STK32A: variants seen among roughly 807,000 people sequenced by gnomAD.
The protein encoded by STK32A is serine/threonine-protein kinase 32A.
Under a neutral mutation model 53.2 loss-of-function variants are expected in STK32A, and 41 were observed. The ratio of observed to expected loss-of-function variants is 0.77; its 90% CI spans 0.60 to 1.00. The LOEUF is 1.00. Among genes scored for constraint, STK32A ranks in the 50% least tolerant of loss-of-function variants. The pLI, the probability that STK32A is intolerant of heterozygous loss-of-function variation, is 0.00. For synonymous variants in STK32A, 166 were observed against 162.8 expected (o/e 1.02, Z -0.15); for missense variants, 458 against 485.8 (o/e 0.94, Z 0.54).
intron 4 of STK32A, among the ~76,000 whole-genome samples, chr5:147,309,803 C>T (rs749616906): frequency 1.1e-4 from 17 of 152,274 alleles, no homozygotes; most frequent in South Asian, 2.1e-4. Flanking sequence ...GATGATGACA[C>T]GTTCCATTTC....
At chr5:147,273,038 A>C (rs1462304043) in intron 2 of STK32A, among the ~76,000 whole-genome samples, 1 of 152,202 alleles carries the variant, frequency 6.6e-6, no homozygotes, top group Non-Finnish European at 1.5e-5. Flanking sequence ...TCAAAAATAG[A>C]AAAAAAGGGC....
chr5:147,381,179 C>A (rs1757437997), intron 11 of STK32A, among the ~76,000 whole-genome samples: 1 of 152,112 alleles, frequency 6.6e-6, no homozygotes, highest in Non-Finnish European at 1.5e-5. Context: ...AGATAGAGGA[C>A]CCTTGGTTGA....
At chr5:147,397,145 C>T in the STK32A span, among the ~76,000 whole-genome samples, 2 of 135,052 alleles carry the variant, frequency 1.5e-5, no homozygotes, top group African/African-American at 5.9e-5. Context: ...CGCATGCATA[C>T]ATTTGCACAC....
intron 9 of STK32A, among the ~76,000 whole-genome samples, chr5:147,371,661 T>C (rs530428033): frequency 3.9e-5 from 6 of 152,320 alleles, no homozygotes; most frequent in African/African-American, 7.2e-5. Context: ...GAAACTTTTA[T>C]AGCAATTGGA....
chr5:147,293,479 TA>T (rs57835374), intron 4 of STK32A, among the ~76,000 whole-genome samples: 2,412 of 106,682 alleles, frequency 0.023, 44 homozygotes, highest in African/African-American at 0.059. Context: ...TATTTCGAGG[TA>T]AAAAAAAAAA....
chr5:147,390,766 TG>T (rs1270247973), downstream of STK32A: 1 of 152,538 alleles, frequency 6.6e-6, no homozygotes, highest in Non-Finnish European at 1.5e-5. Context: ...ATATTATAGG[TG>T]AAAATGCACA....
At chr5:147,393,393 A>C in the STK32A span, 1 of 152,448 alleles carries the variant, frequency 6.6e-6, no homozygotes, top group East Asian at 1.9e-4. Flanking sequence ...CATTTTAATA[A>C]ACGTTCAAAG....
intron 5 of STK32A, chr5:147,342,789 T>C: frequency 1.9e-6 from 1 of 531,954 alleles, no homozygotes; most frequent in Non-Finnish European, 3.3e-6. Context: ...TTCCATTTAC[T>C]AGCCTGTGAC....
chr5:147,306,140 G>C (rs570580986), intron 4 of STK32A, among the ~76,000 whole-genome samples: 4 of 151,768 alleles, frequency 2.6e-5, no homozygotes, highest in African/African-American at 9.7e-5. Context: ...TTTAACTCTG[G>C]GTGTTCCAGC....
intron 2 of STK32A, among the ~76,000 whole-genome samples, chr5:147,273,667 G>A (rs57003028): frequency 0.046 from 6,974 of 152,194 alleles, 205 homozygotes; most frequent in Middle Eastern, 0.11. Context: ...CAGTTAATGA[G>A]CCTTATTGGG....
chr5:147,321,979 T>C (rs961621578), intron 4 of STK32A, among the ~76,000 whole-genome samples: 6 of 152,200 alleles, frequency 3.9e-5, no homozygotes, highest in Non-Finnish European at 7.3e-5. Context: ...TTCTTTCTCT[T>C]ACCTTAGCGG....
At chr5:147,316,575 A>G (rs534345279) in intron 4 of STK32A, among the ~76,000 whole-genome samples, 2 of 152,344 alleles carry the variant, frequency 1.3e-5, no homozygotes, top group South Asian at 4.1e-4. Context: ...ATTTTTAAGT[A>G]TATTGATTGC....
chr5:147,258,945 G>A (rs1207064880), intron 2 of STK32A, among the ~76,000 whole-genome samples: 2 of 151,970 alleles, frequency 1.3e-5, no homozygotes, highest in African/African-American at 2.4e-5. Flanking sequence ...TATTCTGTAA[G>A]TACTTTAAGG....
At chr5:147,348,091 G>A (rs1039711444) in intron 6 of STK32A, among the ~76,000 whole-genome samples, 1 of 152,156 alleles carries the variant, frequency 6.6e-6, no homozygotes, top group Non-Finnish European at 1.5e-5. Context: ...TCTGACAAAG[G>A]GATTCTAGAC....
rs149367064 is a variant in STK32A at position 147,384,799 on chromosome 5, C to A, written c.*816C>A. ...ATTGTCCTCTGAAGATTAGCAGAGACCTGTATCTGGAGAGGATCAGAAAAG... is the reference window on the plus strand; with the variant it reads ...ATTGTCCTCTGAAGATTAGCAGAGAACTGTATCTGGAGAGGATCAGAAAAG... On this transcript the variant is annotated 3_prime_UTR_variant, in exon 13 of 13. Transcript: ENST00000397936. 86 of 199,754 alleles carry A rather than the reference C, an allele frequency of 4.3e-4. No individual in the cohort carries two copies. Among genetic ancestry groups the A allele is most frequent in the African/African-American group, 1.8e-3 (77 of 43,342 alleles). The allele number at this position is 199,754 out of a possible 1,614,324, so 12.4% of individuals were successfully genotyped here. A position where few individuals can be genotyped will look rare whatever the true frequency, so the allele number is the denominator to read the frequency against.
chr5:147,384,571 C>A lies in STK32A; in HGVS notation c.*588C>A. ...TATGCGTGAATCAGCATTAGATCCG[C>A]TTATCTCAGCTGGCAGGAGCCTGCT... On this transcript the variant is annotated 3_prime_UTR_variant, in exon 13 of 13. Coordinates refer to ENST00000397936, the MANE Select transcript of STK32A (RefSeq NM_001112724.2). The A allele has an allele frequency of 6.1e-6, 4 of 658,988 alleles. No individual in the cohort carries two copies. The South Asian group carries it at 1.0e-4, about 17-fold the overall frequency. 40.8% of individuals were successfully genotyped at this position (658,988 alleles called of 1,614,324 possible). A position where few individuals can be genotyped will look rare whatever the true frequency, so the allele number is the denominator to read the frequency against.
intron 8 of STK32A, among the ~76,000 whole-genome samples, chr5:147,365,232 ATGAG>A (rs2152000325): frequency 6.6e-6 from 1 of 152,268 alleles, no homozygotes; most frequent in African/African-American, 2.4e-5. Context: ...GAAATCAAAG[ATGAG>A]TGTTTCTAAA....
chr5:147,242,098 C>T (rs1753608374), intron 2 of STK32A, among the ~76,000 whole-genome samples: 1 of 152,152 alleles, frequency 6.6e-6, no homozygotes, highest in South Asian at 2.1e-4. Context: ...GGCTTAGGGA[C>T]CAGACAGGTC....
At chr5:147,277,792 T>C (rs1249577073) in intron 2 of STK32A, among the ~76,000 whole-genome samples, 1 of 152,162 alleles carries the variant, frequency 6.6e-6, no homozygotes, top group African/African-American at 2.4e-5. Context: ...TCTTCTTAAC[T>C]TGCAGTGGGA....
Sources: gnomAD v4.1 joint callset for allele counts (sites outside exome capture counted in the v4.1 genomes callset) on GRCh38, gnomAD v4.1.1 for gene constraint, MANE v1.5 for transcripts, NCBI Gene and HGNC (gene_info 2026-07-23, HGNC 2026-07-21) for gene names.